The following NLRC3 variants were observed in gnomAD, a reference collection of about 807,000 sequenced individuals.
NLRC3 encodes NLR family CARD domain-containing protein 3.
In NLRC3, 87 loss-of-function variants were observed where a neutral mutation model predicts 91.6. That is an observed-to-expected ratio of 0.95 (90% CI 0.80 to 1.14). The LOEUF (loss-of-function observed/expected upper bound fraction) is 1.14, where lower values mean the gene tolerates loss of function less well. Among genes scored for constraint, NLRC3 ranks in the 50% most tolerant of loss-of-function variants. The pLI, the probability that NLRC3 is intolerant of heterozygous loss-of-function variation, is 0.00. For synonymous variants in NLRC3, 694 were observed against 625.3 expected (o/e 1.11, Z -1.64); for missense variants, 1,577 against 1,418.6 (o/e 1.11, Z -1.79).
chr16:3,564,364 G>A lies in NLRC3; in HGVS notation c.573C>T (p.Asp191=). ...GCGGGAAGACCGAGCAGATGAGTCGGTCGGCACACAGCTTCTCGTGGGTGT... is the reference window on the plus strand; with the variant it reads ...GCGGGAAGACCGAGCAGATGAGTCGATCGGCACACAGCTTCTCGTGGGTGT... ...DLNTHEKLCA[D]RLICSVFPHV... is the part of the protein sequence containing the mutation. Residue 191 remains aspartate, a synonymous_variant, in exon 5 of 20, where the codon GAC becomes GAT. Transcript: ENST00000359128. The surrounding 1 kb of genome is among the most constrained non-coding windows in gnomAD (Gnocchi z 5.9). 1 of 1,612,284 alleles carries A rather than the reference G, an allele frequency of 6.2e-7. No homozygotes were observed. The highest frequency in any genetic ancestry group is 8.5e-7 in the Non-Finnish European group (1 of 1,179,794).
At chr16:3,565,510 C>T in intron 2 of NLRC3, 130 bp from the exon 3 acceptor site, 1 of 357,152 alleles carries the variant, frequency 2.8e-6, no homozygotes, top group South Asian at 2.2e-5. Flanking sequence ...CAGCAGCAGC[C>T]ACTCTGGGGA....
At chr16:3,542,596 C>G in intron 18 of NLRC3, 96 bp downstream of exon 18, 2 of 725,774 alleles carry the variant, frequency 2.8e-6, no homozygotes, top group Non-Finnish European at 4.8e-6. Context: ...AAGGAAATAG[C>G]TACAGAAGAA....
chr16:3,568,606 A>C (rs924895613), intron 1 of NLRC3, among the ~76,000 whole-genome samples: 2 of 152,204 alleles, frequency 1.3e-5, no homozygotes, highest in African/African-American at 4.8e-5. Flanking sequence ...TCACGCCTGT[A>C]GTCCCAGCTA....
chr16:3,577,319 A>C lies in NLRC3; in HGVS notation c.-339T>G. On this transcript the variant is annotated 5_prime_UTR_variant, in exon 1 of 20. Transcript: ENST00000359128. ...AGGGATCAGGGCACTTACCACGCCA[A>C]CCAACCAACCGTGTGGGGGCCGAGA... 1 of 649,430 alleles carries C rather than the reference A, an allele frequency of 1.5e-6. No homozygotes were observed. The highest frequency in any genetic ancestry group is 2.8e-6 in the Non-Finnish European group (1 of 358,188). The allele number at this position is 649,430 out of a possible 1,614,324, so 40.2% of individuals were successfully genotyped here. A position where few individuals can be genotyped will look rare whatever the true frequency, so the allele number is the denominator to read the frequency against.
chr16:3,542,953 AG>A, intron 17 of NLRC3, 178 bp from the exon 18 acceptor site: 1 of 582,528 alleles, frequency 1.7e-6, no homozygotes, highest in Non-Finnish European at 3.1e-6. Context: ...TCTGGGAAGC[AG>A]GGCACACAGG....
At chr16:3,549,095 G>A (rs1454260054) in intron 13 of NLRC3, 47 bp downstream of exon 13, 14 of 1,382,404 alleles carry the variant, frequency 1.0e-5, no homozygotes, top group Non-Finnish European at 1.4e-5. Context: ...GTGTGGGTGT[G>A]GTCATGGCAT....
Position 3,575,178 on chromosome 16 carries a change from T to G in NLRC3, c.-169+1971A>C, listed in dbSNP as rs1244015247. Among the ~76,000 whole-genome samples the G allele has an allele frequency of 2.0e-5, 3 of 152,236 alleles. No homozygotes were observed. The East Asian group carries it at 5.8e-4, about 29-fold the overall frequency. On this transcript the variant is annotated intron_variant, in intron 1 of 19. Coordinates refer to ENST00000359128, the MANE Select transcript of NLRC3 (RefSeq NM_178844.4). ...TGGCTTTCATCCTGGACACTGTCCC[T>G]AAGAAGGACAGAGGAGGGGGTGCAG...
rs530602520 is a variant in NLRC3, at chr16:3,556,878, G to C, written c.2183+33C>G. 6 of 1,499,222 alleles carry C rather than the reference G, an allele frequency of 4.0e-6. No homozygotes were observed. The South Asian group carries it at 5.7e-5, about 14-fold the overall frequency. The allele number at this position is 1,499,222 out of a possible 1,614,324, so 92.9% of individuals were successfully genotyped here. A position where few individuals can be genotyped will look rare whatever the true frequency, so the allele number is the denominator to read the frequency against. ...GAGAGGGTTTTCTGGGCCCTCTCTT[G>C]GGGTCACAACACAGGGAGCAGGTGA... is the stretch of plus-strand genomic sequence containing the variant. On this transcript the variant is annotated intron_variant, in intron 8 of 19. Transcript: ENST00000359128.
chr16:3,575,341 C>T (rs1395178463), intron 1 of NLRC3, among the ~76,000 whole-genome samples: 1 of 152,222 alleles, frequency 6.6e-6, no homozygotes, highest in African/African-American at 2.4e-5. Flanking sequence ...GAGCCTTCCA[C>T]AGACCTCTCA....
chr16:3,562,416 G>A (rs775008216), intron 5 of NLRC3, among the ~76,000 whole-genome samples: 7 of 152,114 alleles, frequency 4.6e-5, no homozygotes, highest in Non-Finnish European at 8.8e-5. Context: ...TGGGGTGGGC[G>A]GGTCACCTGA....
chr16:3,555,801 C>T (rs751256224), intron 8 of NLRC3: 12 of 151,302 alleles, frequency 7.9e-5, no homozygotes, highest in African/African-American at 2.4e-4. Flanking sequence ...AGGCTGGTCT[C>T]GAACTCCCGA....
intron 8 of NLRC3, among the ~76,000 whole-genome samples, chr16:3,556,580 C>G (rs1481946850): frequency 2.0e-5 from 3 of 152,114 alleles, no homozygotes; most frequent in Non-Finnish European, 4.4e-5. Flanking sequence ...TCTCAACTTA[C>G]TGCAACCTCT....
intron 1 of NLRC3, among the ~76,000 whole-genome samples, chr16:3,572,480 G>C (rs1334969131): frequency 1.3e-5 from 2 of 152,068 alleles, no homozygotes; most frequent in African/African-American, 2.4e-5. Context: ...TAGAGACAGG[G>C]TCTTGCCATG....
Position 3,563,960 on chromosome 16 carries a change from C to T in NLRC3, c.977G>A (p.Cys326Tyr), listed in dbSNP as rs369331984. The T allele has an allele frequency of 5.6e-6, 9 of 1,601,194 alleles. No individual in the cohort carries two copies. The highest frequency in any genetic ancestry group is 7.6e-6 in the Non-Finnish European group (9 of 1,176,560). ...VQADRALYLM[C>Y]TVPAFCRLTG... is the part of the protein sequence containing the mutation. ...GAGCCTGCAGAAGGCTGGGACGGTG[C>T]ACATCAGGTACAGGGCCCTGTCAGC... The change falls in exon 5 of 20, where the codon TGC becomes TAC. Residue 326 changes from cysteine (C) to tyrosine (Y), a missense_variant. By Grantham distance (194) the Cys-to-Tyr change is radical (BLOSUM62 -2). Transcript: ENST00000359128.
chr16:3,540,604 AC>A lies in NLRC3; in HGVS notation c.*1220del, dbSNP rs2038355227. On this transcript the variant is annotated 3_prime_UTR_variant, in exon 20 of 20. Coordinates refer to ENST00000359128, the MANE Select transcript of NLRC3 (RefSeq NM_178844.4). ...GATCACTTGAGGTCAGGAGTTAAAG[AC>A]CAGCCTGATCAACATGGTGAAACCC... 1 of 152,168 alleles carries A rather than the reference AC, an allele frequency of 6.6e-6. No homozygotes were observed. Among genetic ancestry groups the A allele is most frequent in the Non-Finnish European group, 1.5e-5 (1 of 68,086 alleles). The allele number at this position is 152,168 out of a possible 1,614,324, so 9.4% of individuals were successfully genotyped here.
At chr16:3,551,278 A>G (rs1421947378) in intron 10 of NLRC3, among the ~76,000 whole-genome samples, 1 of 149,376 alleles carries the variant, frequency 6.7e-6, no homozygotes, top group East Asian at 2.0e-4. Flanking sequence ...TCATTCTACC[A>G]TCCATCTATC....
chr16:3,576,526 A>G (rs1318545679), intron 1 of NLRC3, among the ~76,000 whole-genome samples: 1 of 152,150 alleles, frequency 6.6e-6, no homozygotes, highest in Non-Finnish European at 1.5e-5. Flanking sequence ...GCTCAGCATC[A>G]CCACTGCCTG....
chr16:3,557,488 A>G, intron 7 of NLRC3, 105 bp downstream of exon 7: 1 of 665,750 alleles, frequency 1.5e-6, no homozygotes, highest in Non-Finnish European at 2.7e-6. Context: ...AAGAACAGAC[A>G]GGTAAGACCC....
intron 11 of NLRC3, among the ~76,000 whole-genome samples, chr16:3,550,187 C>G (rs1567129197): frequency 6.6e-6 from 1 of 152,196 alleles, no homozygotes; most frequent in Non-Finnish European, 1.5e-5. Context: ...GCTGGCTTCT[C>G]AAGGACACTT....
Sources: allele counts gnomAD v4.1 joint callset (sites outside exome capture counted in the v4.1 genomes callset), GRCh38; gene constraint gnomAD v4.1.1; non-coding constraint Gnocchi (gnomAD v3.1); transcripts MANE v1.5; gene names NCBI Gene and HGNC (gene_info 2026-07-23, HGNC 2026-07-21).